The following CABLES2 variants were observed in gnomAD, a reference collection of about 807,000 sequenced individuals.
CABLES2 encodes CDK5 and ABL1 enzyme substrate 2.
A neutral mutation model predicts 44.8 loss-of-function variants in CABLES2; 35 were observed. That is an observed-to-expected ratio of 0.78 (90% CI 0.60 to 1.04). CABLES2 has a LOEUF of 1.04. CABLES2 is among the 50% of genes least tolerant of loss of function. The probability of loss-of-function intolerance (pLI) is 0.00; values close to 1 mark genes in which losing one functional copy is unlikely to be tolerated. For missense variants in CABLES2, 566 were observed against 615.7 expected (o/e 0.92, Z 0.85); for synonymous variants, 282 against 281.1 (o/e 1.00, Z -0.03).
At chr20:62,398,498 C>T (rs113871847) in intron 1 of CABLES2, among the ~76,000 whole-genome samples, 147 of 152,306 alleles carry the variant, frequency 9.7e-4, no homozygotes, top group African/African-American at 3.5e-3. Flanking sequence ...GTCACCCAAT[C>T]TGGACTCCGG....
At chr20:62,402,008 C>T (rs960964646) in intron 1 of CABLES2, among the ~76,000 whole-genome samples, 8 of 152,110 alleles carry the variant, frequency 5.3e-5, no homozygotes, top group African/African-American at 1.7e-4. Context: ...CCAGGAGGCC[C>T]CGCTCCTGCT....
chr20:62,401,644 A>G (rs2427319), intron 1 of CABLES2, among the ~76,000 whole-genome samples: 95,751 of 152,178 alleles, frequency 0.63, 32,152 homozygotes, highest in African/African-American at 0.85. Context: ...GGACATGCGC[A>G]ATCAGGGGAC....
chr20:62,401,282 C>A (rs6061511), intron 1 of CABLES2, among the ~76,000 whole-genome samples: 1 of 152,340 alleles, frequency 6.6e-6, no homozygotes, highest in East Asian at 1.9e-4. Flanking sequence ...GTGGGGAGGA[C>A]GCCGCTTTGG....
chr20:62,389,603 C>T lies in CABLES2; in HGVS notation c.*1368G>A, dbSNP rs1270732854. The stretch of plus-strand genomic sequence containing the variant: ...TAATGGGCTAGAGACAAAGTCGTCC[C>T]AGAGCCCCTCCAGGGCCAGGCAGGT... On this transcript the variant is annotated 3_prime_UTR_variant, in exon 10 of 10. Transcript: ENST00000279101. 1.3e-5 allele frequency: 2 copies of T among 152,232 alleles called. No individual in the cohort carries two copies. Among genetic ancestry groups the T allele is most frequent in the Non-Finnish European group, 1.5e-5 (1 of 68,056 alleles). The allele number at this position is 152,232 out of a possible 1,614,324, so 9.4% of individuals were successfully genotyped here.
rs1201700362 is a variant in CABLES2, at chr20:62,396,794, G to A, written c.363-202C>T. Among the ~76,000 whole-genome samples, 3 of 152,134 alleles carry A rather than the reference G, an allele frequency of 2.0e-5. No homozygotes were observed. The highest frequency in any genetic ancestry group is 2.9e-5 in the Non-Finnish European group (2 of 68,002). On this transcript the variant is annotated intron_variant, in intron 1 of 9. Coordinates refer to ENST00000279101, the MANE Select transcript of CABLES2 (RefSeq NM_031215.3). This position sits in a 1 kb window ranked among gnomAD's most constrained non-coding sequence, Gnocchi z 5.7. Reference sequence around the variant, plus strand: ...CCTGCCTTGAGAGGTTCCTGTTTTGGAGGCACTGAGCTCTTCTCTGGGGAC... The same window carrying A: ...CCTGCCTTGAGAGGTTCCTGTTTTGAAGGCACTGAGCTCTTCTCTGGGGAC...
At position 62,400,703 on chromosome 20, in the gene CABLES2, G is replaced by A. The variant is rs539338332; in HGVS notation, c.363-4111C>T. ...TCCCAGCAGAAGCCTGAGGCCCCGC[G>A]GCAGCCTGCCTGGTGGTACCGTTGG... On this transcript the variant is annotated intron_variant, in intron 1 of 9. Coordinates refer to ENST00000279101, the MANE Select transcript of CABLES2 (RefSeq NM_031215.3). Among the ~76,000 whole-genome samples the A allele has an allele frequency of 3.9e-5, 6 of 152,256 alleles. No individual in the cohort carries two copies. In the South Asian group the frequency reaches 1.0e-3, roughly 26 times the overall value.
At chr20:62,406,466 A>G (rs1458932783) in intron 1 of CABLES2, among the ~76,000 whole-genome samples, 1 of 152,086 alleles carries the variant, frequency 6.6e-6, no homozygotes, top group African/African-American at 2.4e-5. Context: ...CAGAGCACTG[A>G]CAACGTGGAG....
At position 62,396,373 on chromosome 20, in the gene CABLES2, C is replaced by T; in HGVS notation, c.469G>A (p.Gly157Ser). The T allele has an allele frequency of 1.2e-6, 2 of 1,613,986 alleles. No individual in the cohort carries two copies. The highest frequency in any genetic ancestry group is 4.5e-5 in the East Asian group (2 of 44,848). The change falls in exon 3 of 10, where the codon GGC (glycine) becomes AGC (serine). Residue 157 changes from glycine to serine, a missense_variant. Around this residue, in one of 2 missense-constraint regions of CABLES2, gnomAD observed 436 missense variants for 536.3 expected, o/e 0.81. Transcript: ENST00000279101. This position sits in a 1 kb window ranked among gnomAD's most constrained non-coding sequence, Gnocchi z 5.7. ...KHTSGSPRHK[G>S]LKKTHFIKNM... ...TTGATGAAGTGGGTCTTCTTCAGGCCTTTATGTCTCGGTGATCCAGATGTG... is the reference window on the plus strand; with the variant it reads ...TTGATGAAGTGGGTCTTCTTCAGGCTTTTATGTCTCGGTGATCCAGATGTG...
chr20:62,398,025 GTGGTGA>G (rs1569017386), intron 1 of CABLES2, among the ~76,000 whole-genome samples: 3 of 146,070 alleles, frequency 2.1e-5, no homozygotes, highest in Non-Finnish European at 4.5e-5. Context: ...GGTGGTGGTG[GTGGTGA>G]CAGTGATGGT....
At chr20:62,406,499 C>T (rs1171388464) in intron 1 of CABLES2, among the ~76,000 whole-genome samples, 1 of 152,040 alleles carries the variant, frequency 6.6e-6, no homozygotes, top group Non-Finnish European at 1.5e-5. Flanking sequence ...TATTCAGGGG[C>T]TGGGAGAATT....
At chr20:62,400,783 G>A (rs4618131) in intron 1 of CABLES2, among the ~76,000 whole-genome samples, 27,635 of 152,174 alleles carry the variant, frequency 0.18, 2,746 homozygotes, top group Middle Eastern at 0.26. Flanking sequence ...CGCTGCTGCC[G>A]GCTGGCCTGG....
Position 62,396,927 on chromosome 20 carries a change from C to G in CABLES2, c.363-335G>C, listed in dbSNP as rs1988032151. Among the ~76,000 whole-genome samples the G allele has an allele frequency of 6.6e-6, 1 of 152,184 alleles. No individual in the cohort carries two copies. The highest frequency in any genetic ancestry group is 2.4e-5 in the African/African-American group (1 of 41,440). ...TCGCTCGGCCCCAAGCAACACCCTGCTGGGGGCACCACCAACTCTGACAGG... is the reference window on the plus strand; with the variant it reads ...TCGCTCGGCCCCAAGCAACACCCTGGTGGGGGCACCACCAACTCTGACAGG... On this transcript the variant is annotated intron_variant, in intron 1 of 9. Transcript: ENST00000279101. This position sits in a 1 kb window ranked among gnomAD's most constrained non-coding sequence, Gnocchi z 5.7.
intron 7 of CABLES2, 98 bp from the exon 8 acceptor site, chr20:62,392,593 A>G: frequency 2.2e-6 from 2 of 908,770 alleles, no homozygotes; most frequent in Non-Finnish European, 3.6e-6. Flanking sequence ...TGGGTTTGCA[A>G]ACATGCATAC....
At chr20:62,401,947 G>A (rs1461249871) in intron 1 of CABLES2, among the ~76,000 whole-genome samples, 2 of 152,230 alleles carry the variant, frequency 1.3e-5, no homozygotes, top group Admixed American at 6.5e-5. Context: ...CCTCGGCAAG[G>A]CCCACGCCCC....
intron 1 of CABLES2, among the ~76,000 whole-genome samples, chr20:62,398,112 GTGGTGGTGGTGGTTA>G (rs1988092227): frequency 7.7e-6 from 1 of 130,260 alleles, no homozygotes; most frequent in Non-Finnish European, 1.6e-5. Context: ...GGTGATGGTG[GTGGTGGTGGTGGTTA>G]TGACGGTGGT....
chr20:62,391,509 C>T lies in CABLES2; in HGVS notation c.1092-56G>A, dbSNP rs1356118782. 6.4e-6 allele frequency: 10 copies of T among 1,570,728 alleles called. No homozygotes were observed. The highest frequency in any genetic ancestry group is 1.7e-4 in the Middle Eastern group (1 of 5,914). On this transcript the variant is annotated intron_variant, in intron 8 of 9. Coordinates refer to ENST00000279101, the MANE Select transcript of CABLES2 (RefSeq NM_031215.3). The surrounding 1 kb of genome is among the most constrained non-coding windows in gnomAD (Gnocchi z 5.7). ...GGGGCTCTGGCTGGGGCTGAGGAGG[C>T]AGCCCCCTGCCACCACCAACCGAGG...
At position 62,407,265 on chromosome 20, in the gene CABLES2, G is replaced by A. The variant is rs979203530; in HGVS notation, c.12C>T (p.Ala4=). Residue 4 remains alanine, a synonymous_variant, in exon 1 of 10, where the codon GCC becomes GCT. Coordinates refer to ENST00000279101, the MANE Select transcript of CABLES2 (RefSeq NM_031215.3). MAA[A]AAGGAPGPAP... Reference sequence around the variant, plus strand: ...CCGGGCCCGGGGCTCCACCGGCCGCGGCCGCGGCCATCCTCAGACTGCGCC... The same window carrying A: ...CCGGGCCCGGGGCTCCACCGGCCGCAGCCGCGGCCATCCTCAGACTGCGCC... 4.0e-5 allele frequency: 23 copies of A among 581,988 alleles called. No homozygotes were observed. Among genetic ancestry groups the A allele is most frequent in the Non-Finnish European group, 4.3e-5 (20 of 464,826 alleles). 36.1% of individuals were successfully genotyped at this position (581,988 alleles called of 1,614,324 possible).
chr20:62,399,591 T>TC (rs1426708760), intron 1 of CABLES2, among the ~76,000 whole-genome samples: 2 of 104,872 alleles, frequency 1.9e-5, no homozygotes, highest in African/African-American at 6.9e-5. Context: ...TGGGGTCAGG[T>TC]CCTTTTTTTT....
rs375247829 is a variant in CABLES2 at position 62,396,574 on chromosome 20, C to A, written c.381G>T (p.Gln127His). Residue 127 changes from glutamine (Q) to histidine (H), a missense_variant, in exon 2 of 10, where the codon CAG (glutamine) becomes CAT (histidine). By Grantham distance (24) the Gln-to-His change is conservative. Transcript: ENST00000279101. The surrounding 1 kb of genome is among the most constrained non-coding windows in gnomAD (Gnocchi z 5.7). ...GQRQRKRVTS[Q>H]RCSLEFLEDA... is the part of the protein sequence containing the mutation. ...CTTCCAGAAACTCCAGGGAGCAGCG[C>A]TGGGACGTGACTCGCTTCCTGCAAG... 9.3e-6 allele frequency: 15 copies of A among 1,613,166 alleles called. No individual in the cohort carries two copies. The African/African-American group carries it at 1.3e-4, about 14-fold the overall frequency.
Sources: allele counts gnomAD v4.1 joint callset (sites outside exome capture counted in the v4.1 genomes callset), GRCh38; gene constraint gnomAD v4.1.1; regional missense constraint gnomAD v4.1.1; non-coding constraint Gnocchi (gnomAD v3.1); transcripts MANE v1.5; gene names NCBI Gene and HGNC (gene_info 2026-07-23, HGNC 2026-07-21).